The following GPC5 variants were observed in gnomAD, a reference collection of about 807,000 sequenced individuals.
The protein encoded by GPC5 is glypican-5.
GPC5 carries 47 observed loss-of-function variants against 53.9 expected under a neutral mutation model. That is an observed-to-expected ratio of 0.87 (90% confidence interval 0.69 to 1.11). GPC5 has a LOEUF of 1.11. Among genes scored for constraint, GPC5 ranks in the 50% most tolerant of loss-of-function variants. The pLI, the probability that GPC5 is intolerant of heterozygous loss-of-function variation, is 0.00. For missense variants in GPC5, 748 were observed against 713.1 expected (o/e 1.05, Z -0.56); for synonymous variants, 286 against 263.3 (o/e 1.09, Z -0.84).
intron 7 of GPC5, among the ~76,000 whole-genome samples, chr13:92,679,614 G>A (rs1292529615): frequency 1.3e-5 from 2 of 152,100 alleles, no homozygotes; most frequent in Non-Finnish European, 2.9e-5. Context: ...TCTGAGTTGT[G>A]TCAAACTATC....
At chr13:91,844,913 A>G (rs2038831233) in intron 5 of GPC5, among the ~76,000 whole-genome samples, 1 of 151,980 alleles carries the variant, frequency 6.6e-6, no homozygotes, top group African/African-American at 2.4e-5. Flanking sequence ...TGTATTTTTA[A>G]GTTAATTTGT....
At chr13:91,852,987 C>G (rs140499230) in intron 5 of GPC5, among the ~76,000 whole-genome samples, 1 of 152,038 alleles carries the variant, frequency 6.6e-6, no homozygotes, top group Non-Finnish European at 1.5e-5. Flanking sequence ...GAAGTCTGCC[C>G]TTGTGTAGTT....
chr13:92,314,153 A>G lies in GPC5; in HGVS notation c.1561+169164A>G, dbSNP rs2043163356. 2.6e-5 allele frequency among the ~76,000 whole-genome samples: 4 copies of G among 152,184 alleles called. No individual in the cohort carries two copies. In the South Asian group the frequency reaches 8.3e-4, roughly 32 times the overall value. ...AATACTTTCTATTTTTTTCGCCCAAACATGTCTTTTTCTTGAATTTTCTTG... is the reference window on the plus strand; with the variant it reads ...AATACTTTCTATTTTTTTCGCCCAAGCATGTCTTTTTCTTGAATTTTCTTG... On this transcript the variant is annotated intron_variant, in intron 7 of 7. Coordinates refer to ENST00000377067, the MANE Select transcript of GPC5 (RefSeq NM_004466.6).
At chr13:92,760,816 T>A (rs1312753969) in intron 7 of GPC5, among the ~76,000 whole-genome samples, 1 of 152,190 alleles carries the variant, frequency 6.6e-6, no homozygotes, top group African/African-American at 2.4e-5. Flanking sequence ...GAACTGCTTT[T>A]GCTGTATCCC....
intron 7 of GPC5, among the ~76,000 whole-genome samples, chr13:92,677,345 T>A (rs893176742): frequency 6.6e-6 from 1 of 152,176 alleles, no homozygotes; most frequent in African/African-American, 2.4e-5. Context: ...GGCTGGTGGA[T>A]AAATTAACAT....
At chr13:92,865,454 C>G (rs1180597616) in intron 7 of GPC5, among the ~76,000 whole-genome samples, 1 of 151,986 alleles carries the variant, frequency 6.6e-6, no homozygotes, top group East Asian at 1.9e-4. Context: ...TCTAAAATAG[C>G]TGAAGTCATA....
intron 7 of GPC5, among the ~76,000 whole-genome samples, chr13:92,437,782 A>G (rs1041782246): frequency 2.0e-5 from 3 of 152,074 alleles, no homozygotes; most frequent in Non-Finnish European, 2.9e-5. Flanking sequence ...AACAAGCTGA[A>G]CTCTGATTGG....
Position 92,859,719 on chromosome 13 carries a change from C to A in GPC5, c.1562-6563C>A, listed in dbSNP as rs192567147. On this transcript the variant is annotated intron_variant, in intron 7 of 7. Transcript: ENST00000377067. ...ATGCAAAAATGACCTTTTAAATTTT[C>A]TATTTGTATATTCGTTCTAGAAGTA... Among the ~76,000 whole-genome samples the A allele has an allele frequency of 2.8e-3, 427 of 152,072 alleles. 2 individuals carry two copies. Among genetic ancestry groups the A allele is most frequent in the Non-Finnish European group, 4.0e-3 (273 of 67,938 alleles).
intron 2 of GPC5, among the ~76,000 whole-genome samples, chr13:91,667,370 AC>A (rs1342306044): frequency 6.6e-6 from 1 of 152,120 alleles, no homozygotes; most frequent in Non-Finnish European, 1.5e-5. Context: ...ATTACATATT[AC>A]CCCCTTCATA....
chr13:91,988,820 G>A (rs763194250), intron 6 of GPC5, among the ~76,000 whole-genome samples: 8 of 152,008 alleles, frequency 5.3e-5, no homozygotes, highest in Non-Finnish European at 8.8e-5. Context: ...AATGATGGTC[G>A]TCTTCCTTGC....
chr13:91,722,384 G>A (rs867846283), intron 3 of GPC5, among the ~76,000 whole-genome samples: 1 of 152,106 alleles, frequency 6.6e-6, no homozygotes, highest in African/African-American at 2.4e-5. Flanking sequence ...TGTCACTTGG[G>A]CTTACAAGTT....
chr13:91,649,861 C>G (rs1186946585), intron 2 of GPC5, among the ~76,000 whole-genome samples: 1 of 152,078 alleles, frequency 6.6e-6, no homozygotes, highest in Admixed American at 6.5e-5. Flanking sequence ...CAAAAGTCAC[C>G]AGAAACTTAA....
At chr13:92,780,725 A>C (rs920190682) in intron 7 of GPC5, among the ~76,000 whole-genome samples, 2 of 152,090 alleles carry the variant, frequency 1.3e-5, no homozygotes, top group African/African-American at 4.8e-5. Flanking sequence ...AAATAACAGC[A>C]ATAAAACACC....
At chr13:92,663,292 C>A (rs1333303894) in intron 7 of GPC5, among the ~76,000 whole-genome samples, 2 of 151,830 alleles carry the variant, frequency 1.3e-5, no homozygotes, top group Non-Finnish European at 2.9e-5. Context: ...TTTTCAGGAA[C>A]TACACATAAT....
chr13:92,248,545 G>A (rs2042669561), intron 7 of GPC5, among the ~76,000 whole-genome samples: 1 of 152,114 alleles, frequency 6.6e-6, no homozygotes, highest in Non-Finnish European at 1.5e-5. Context: ...ACATTGGGTT[G>A]TAGTAGGATA....
rs9561156 is a variant in GPC5, at chr13:92,793,102, G to A, written c.1562-73180G>A. 0.025 allele frequency among the ~76,000 whole-genome samples: 3,873 copies of A among 151,920 alleles called. 387 individuals are homozygous for A. In the East Asian group the frequency reaches 0.33, roughly 13 times the overall value. ...TATACATTTTTCTCAGCACCACACC[G>A]CCCTTATTCCAAAATTGACCACATA... On this transcript the variant is annotated intron_variant, in intron 7 of 7. Transcript: ENST00000377067.
intron 2 of GPC5, among the ~76,000 whole-genome samples, chr13:91,679,922 T>G (rs1019318146): frequency 6.6e-6 from 1 of 152,190 alleles, no homozygotes; most frequent in African/African-American, 2.4e-5. Flanking sequence ...ACATTTTTTT[T>G]TTTCTGAATA....
At chr13:91,871,879 T>C (rs1333365218) in intron 5 of GPC5, among the ~76,000 whole-genome samples, 1 of 151,982 alleles carries the variant, frequency 6.6e-6, no homozygotes, top group African/African-American at 2.4e-5. Context: ...CTGCTTCAGG[T>C]GTGTGACTGA....
intron 7 of GPC5, among the ~76,000 whole-genome samples, chr13:92,864,258 G>C (rs9301840): frequency 0.26 from 40,070 of 152,000 alleles, 5,694 homozygotes; most frequent in East Asian, 0.39. Context: ...CCTTAGAACT[G>C]TTACATTTAT....
Sources: allele counts gnomAD v4.1 joint callset (sites outside exome capture counted in the v4.1 genomes callset), GRCh38; gene constraint gnomAD v4.1.1; transcripts MANE v1.5; gene names NCBI Gene and HGNC (gene_info 2026-07-23, HGNC 2026-07-21).